The following TRIM2 variants were observed in gnomAD, a reference collection of about 807,000 sequenced individuals.
TRIM2 encodes the protein tripartite motif-containing protein 2.
Under a neutral mutation model 75.2 loss-of-function variants are expected in TRIM2, and 20 were observed. That is an observed-to-expected ratio of 0.27 (90% CI 0.19 to 0.39). The LOEUF is 0.39. Ranked by LOEUF, TRIM2 falls within the 10% of genes least tolerant of loss-of-function variation. The pLI, the probability that TRIM2 is intolerant of heterozygous loss-of-function variation, is 1.00. For synonymous variants in TRIM2, 373 were observed against 388.3 expected, an observed-to-expected ratio of 0.96 and a Z score of 0.46; for missense variants, 660 against 990.8, an observed-to-expected ratio of 0.67 and a Z score of 4.48.
At chr4:153,279,601 A>G (rs191475429) in intron 3 of TRIM2, among the ~76,000 whole-genome samples, 320 of 152,256 alleles carry the variant, frequency 2.1e-3, no homozygotes, top group African/African-American at 7.4e-3. Flanking sequence ...TTTATTTAAA[A>G]AGAATTCCAG....
At chr4:153,231,451 A>G (rs940484095) in intron 1 of TRIM2, among the ~76,000 whole-genome samples, 2 of 152,196 alleles carry the variant, frequency 1.3e-5, no homozygotes, top group African/African-American at 2.4e-5. Context: ...GGAAGTGGGA[A>G]GGGCACAATG....
At chr4:153,228,877 T>C (rs1257624289) in intron 1 of TRIM2, among the ~76,000 whole-genome samples, 2 of 152,094 alleles carry the variant, frequency 1.3e-5, no homozygotes, top group African/African-American at 4.8e-5. Context: ...GTATCCTTCA[T>C]CCTTTTCCCC....
intron 1 of TRIM2, among the ~76,000 whole-genome samples, chr4:153,238,125 C>G (rs1295214634): frequency 1.3e-5 from 2 of 152,194 alleles, no homozygotes; most frequent in Admixed American, 1.3e-4. Flanking sequence ...CCTTCTGCCC[C>G]TCTCCCTATC....
At chr4:153,201,292 A>G (rs181640571), upstream of TRIM2, among the ~76,000 whole-genome samples, 1,207 of 152,040 alleles carry the variant, frequency 7.9e-3, 8 homozygotes, top group Non-Finnish European at 0.011. Flanking sequence ...GCACTTCCCT[A>G]ATGACTAATG....
intron 6 of TRIM2, among the ~76,000 whole-genome samples, chr4:153,313,197 C>T (rs1264760978): frequency 3.3e-5 from 5 of 152,156 alleles, no homozygotes. Flanking sequence ...GTGTTCACTG[C>T]TTCCATATTC....
intron 3 of TRIM2, among the ~76,000 whole-genome samples, chr4:153,280,182 CATAG>C (rs1461492206): frequency 6.7e-6 from 1 of 149,924 alleles, no homozygotes; most frequent in Non-Finnish European, 1.5e-5. Context: ...AATATCTACA[CATAG>C]TATAGTAAGT....
chr4:153,228,519 A>G (rs1742760680), intron 1 of TRIM2, among the ~76,000 whole-genome samples: 1 of 152,244 alleles, frequency 6.6e-6, no homozygotes, highest in Admixed American at 6.5e-5. Context: ...ATAACTGGGT[A>G]TCTTTAGCTT....
chr4:153,244,412 TTCTTCTTCTTCTTCTTC>T (rs1560875396), intron 1 of TRIM2, among the ~76,000 whole-genome samples: 6 of 91,988 alleles, frequency 6.5e-5, no homozygotes, highest in Non-Finnish European at 1.2e-4. Flanking sequence ...CTTCTTCTTC[TTCTTCTTCTTCTTCTTC>T]TTCTTCTTTT....
intron 1 of TRIM2, among the ~76,000 whole-genome samples, chr4:153,190,470 A>C (rs942155840): frequency 1.3e-5 from 2 of 152,220 alleles, no homozygotes; most frequent in Non-Finnish European, 2.9e-5. Context: ...TGCTAATATT[A>C]TCACCAGTTT....
intron 1 of TRIM2, among the ~76,000 whole-genome samples, chr4:153,183,303 C>G (rs1043892060): frequency 6.6e-6 from 1 of 152,194 alleles, no homozygotes; most frequent in African/African-American, 2.4e-5. Flanking sequence ...ATTTCACATT[C>G]CCCATGATAA....
chr4:153,312,740 A>G (rs537854993), intron 6 of TRIM2, among the ~76,000 whole-genome samples: 15 of 152,262 alleles, frequency 9.9e-5, no homozygotes, highest in African/African-American at 3.4e-4. Context: ...TCGTGCTGCT[A>G]TAAAGACACA....
At chr4:153,250,325 G>C (rs959094784) in intron 1 of TRIM2, among the ~76,000 whole-genome samples, 1 of 152,090 alleles carries the variant, frequency 6.6e-6, no homozygotes, top group Admixed American at 6.5e-5. Flanking sequence ...TTGCCATGTT[G>C]ACCAGGCTGG....
intron 1 of TRIM2, among the ~76,000 whole-genome samples, chr4:153,235,595 G>C (rs1308304073): frequency 6.6e-6 from 1 of 152,116 alleles, no homozygotes; most frequent in Non-Finnish European, 1.5e-5. Context: ...CAAGTTAAGA[G>C]AATTAAATGA....
At chr4:153,202,206 A>C (rs1232938488), upstream of TRIM2, among the ~76,000 whole-genome samples, 2 of 152,240 alleles carry the variant, frequency 1.3e-5, no homozygotes, top group African/African-American at 4.8e-5. Flanking sequence ...AATACGTTTC[A>C]ACATTTTTCT....
At chr4:153,159,443 A>G (rs1406567561) in intron 1 of TRIM2, among the ~76,000 whole-genome samples, 2 of 151,728 alleles carry the variant, frequency 1.3e-5, no homozygotes, top group African/African-American at 2.4e-5. Flanking sequence ...TGGGACCACA[A>G]GTGTGCACTA....
chr4:153,193,236 A>G (rs1365611315), intron 1 of TRIM2, among the ~76,000 whole-genome samples: 1 of 148,640 alleles, frequency 6.7e-6, no homozygotes, highest in African/African-American at 2.5e-5. Flanking sequence ...GGTTCATGAC[A>G]TTCTCCTGCC....
In TRIM2 at chr4:153,334,875, GC is replaced by G; in HGVS notation, c.2230del (p.Gln744LysfsTer5). On this transcript the variant is annotated frameshift_variant, in exon 12 of 12. Transcript: ENST00000338700. LOFTEE classifies it high-confidence loss of function. ...YINTSADPLYGPQGLALTSDG... is the reference protein window; with the variant it reads ...YINTSADPLYXPQGLALTSDG... ...AACACATCTGCTGACCCACTCTATG[GC>G]CCCCAAGGCCTGGCCCTAACTTCAG... 6.2e-7 allele frequency: 1 copy of G among 1,613,896 alleles called. No individual in the cohort carries two copies. Among genetic ancestry groups the G allele is most frequent in the East Asian group, 2.2e-5 (1 of 44,882 alleles).
intron 6 of TRIM2, among the ~76,000 whole-genome samples, chr4:153,311,894 T>TTTTA (rs112254741): frequency 0.068 from 9,753 of 144,264 alleles, 794 homozygotes; most frequent in African/African-American, 0.2. Flanking sequence ...GTTTTTATTC[T>TTTTA]TTTATTTATT....
At chr4:153,286,677 C>T (rs1033570403) in intron 3 of TRIM2, among the ~76,000 whole-genome samples, 4 of 151,788 alleles carry the variant, frequency 2.6e-5, no homozygotes, top group Non-Finnish European at 5.9e-5. Context: ...ATTTCCCCAC[C>T]ACTTTCCTTC....
Sources: allele counts gnomAD v4.1 joint callset (sites outside exome capture counted in the v4.1 genomes callset), GRCh38; gene constraint gnomAD v4.1.1; transcripts MANE v1.5; gene names NCBI Gene and HGNC (gene_info 2026-07-23, HGNC 2026-07-21).